The following TMPRSS9 variants were observed in gnomAD, a reference collection of about 807,000 sequenced individuals.
The protein encoded by TMPRSS9 is transmembrane protease serine 9.
A neutral mutation model predicts 111.4 loss-of-function variants in TMPRSS9; 113 were observed. The ratio of observed to expected loss-of-function variants is 1.01; its 90% confidence interval spans 0.87 to 1.19. TMPRSS9 has a LOEUF of 1.19. Ranked by LOEUF, TMPRSS9 falls within the 50% of genes most tolerant of loss-of-function variation. The pLI, the probability that TMPRSS9 is intolerant of heterozygous loss-of-function variation, is 0.00. For synonymous variants in TMPRSS9, 805 were observed against 659.1 expected (o/e 1.22, Z -3.39); for missense variants, 1,803 against 1,513.1 (o/e 1.19, Z -3.18).
chr19:2,408,491 C>T (rs148625968), exon 8 of TMPRSS9: 99 of 1,613,944 alleles, frequency 6.1e-5, no homozygotes, highest in Admixed American at 4.0e-4. Context: ...CCGACTTTGA[C>T]GTGGCTGTGC....
chr19:2,411,801 C>A (rs543683745), intron 9 of TMPRSS9, among the ~76,000 whole-genome samples: 2 of 152,160 alleles, frequency 1.3e-5, no homozygotes, highest in Non-Finnish European at 2.9e-5. Flanking sequence ...ATCTGCCCAC[C>A]TTGTCCTCCC....
At chr19:2,371,049 C>CTA (rs1485544880) in intron 1 of TMPRSS9, among the ~76,000 whole-genome samples, 1 of 152,136 alleles carries the variant, frequency 6.6e-6, no homozygotes, top group African/African-American at 2.4e-5. Context: ...GGGCCAATAC[C>CTA]TACCTCCTGT....
exon 12 of TMPRSS9, chr19:2,416,549 A>T: frequency 6.2e-7 from 1 of 1,608,456 alleles, no homozygotes; most frequent in African/African-American, 1.3e-5. Context: ...ACGAAGGTGG[A>T]GCAGGTTCGG....
At chr19:2,420,824 G>A (rs1971447137) in intron 13 of TMPRSS9, among the ~76,000 whole-genome samples, 1 of 152,066 alleles carries the variant, frequency 6.6e-6, no homozygotes, top group African/African-American at 2.4e-5. Context: ...AATAAAAATA[G>A]AATAATAGGT....
At chr19:2,405,240 A>G (rs1404307032) in intron 6 of TMPRSS9, 134 bp from the exon 8 acceptor site, 1 of 1,130,034 alleles carries the variant, frequency 8.8e-7, no homozygotes, top group Non-Finnish European at 1.2e-6. Context: ...GAGTCAGGGA[A>G]GCCAAGGAGG....
At chr19:2,370,132 C>T (rs1023049096) in intron 1 of TMPRSS9, among the ~76,000 whole-genome samples, 1 of 152,088 alleles carries the variant, frequency 6.6e-6, no homozygotes, top group African/African-American at 2.4e-5. Flanking sequence ...TCACGTGAAC[C>T]CAGGAGGCAG....
chr19:2,405,575 G>T (rs745851640), intron 7 of TMPRSS9, 30 bp downstream of exon 8: 16 of 1,493,348 alleles, frequency 1.1e-5, no homozygotes, highest in Non-Finnish European at 1.4e-5. Flanking sequence ...CACCAAACCC[G>T]AACCCTCTGT....
upstream of TMPRSS9, chr19:2,389,724 C>G (rs1360226001): frequency 6.4e-7 from 1 of 1,553,560 alleles, no homozygotes; most frequent in Non-Finnish European, 8.7e-7. Flanking sequence ...CCTTCAGCCT[C>G]TGACCCCGTG....
Position 2,418,351 on chromosome 19 carries a change from C to CTCCCTCCTTCCCTTTCCT in TMPRSS9, c.2154+220_2154+221insTTCCCTTTCCTTCCCTCC, listed in dbSNP as rs1555680726. Among the ~76,000 whole-genome samples the CTCCCTCCTTCCCTTTCCT allele has an allele frequency of 1.6e-3, 40 of 24,780 alleles. 2 individuals are homozygous for CTCCCTCCTTCCCTTTCCT. The highest frequency in any genetic ancestry group is 5.0e-3 in the Admixed American group (11 of 2,192). The allele number at this position is 24,780 out of a possible 152,430, so 16.3% of individuals were successfully genotyped here. A position where few individuals can be genotyped will look rare whatever the true frequency, so the allele number is the denominator to read the frequency against. On this transcript the variant is annotated intron_variant, in intron 13 of 17. Coordinates refer to ENST00000648592, the Ensembl canonical transcript of TMPRSS9. ...CCTCCCTTTCCTTCCCTCCCTTTCC[C>CTCCCTCCTTCCCTTTCCT]TCCCTCCCTCCCTTCCCTTCCCTCC...
intron 1 of TMPRSS9, among the ~76,000 whole-genome samples, chr19:2,382,425 C>T (rs1297625675): frequency 6.6e-6 from 1 of 152,180 alleles, no homozygotes; most frequent in Non-Finnish European, 1.5e-5. Context: ...AGCCACCGCG[C>T]CCGGTCAAAA....
chr19:2,392,214 A>G (rs1970613053), intron 1 of TMPRSS9, among the ~76,000 whole-genome samples: 1 of 151,956 alleles, frequency 6.6e-6, no homozygotes, highest in Non-Finnish European at 1.5e-5. Context: ...GACAAGAAAC[A>G]TTTAAAATTA....
exon 8 of TMPRSS9, chr19:2,408,549 T>C (rs771763488): frequency 5.0e-6 from 8 of 1,613,562 alleles, no homozygotes; most frequent in Admixed American, 1.7e-5. Context: ...CCAGCCCGTG[T>C]GCCTCCCGGC....
chr19:2,425,076 G>A (rs2145427428), exon 16 of TMPRSS9: 7 of 1,574,820 alleles, frequency 4.4e-6, no homozygotes, highest in Non-Finnish European at 6.0e-6. Context: ...CAGCTGGAGC[G>A]CGTGGCGCGC....
chr19:2,368,140 G>A (rs1211128315), intron 1 of TMPRSS9, among the ~76,000 whole-genome samples: 2 of 152,176 alleles, frequency 1.3e-5, no homozygotes, highest in Non-Finnish European at 1.5e-5. Flanking sequence ...GAAATAACTT[G>A]CTCTTTCAGG....
chr19:2,411,891 CTTCT>C (rs1971103852), intron 9 of TMPRSS9, among the ~76,000 whole-genome samples: 1 of 152,134 alleles, frequency 6.6e-6, no homozygotes, highest in Non-Finnish European at 1.5e-5. Flanking sequence ...CTCATTCTTT[CTTCT>C]TTCAGCCACC....
At chr19:2,401,070 C>T (rs368204438) in intron 4 of TMPRSS9, among the ~76,000 whole-genome samples, 52 of 145,484 alleles carry the variant, frequency 3.6e-4, no homozygotes, top group African/African-American at 8.6e-4. Context: ...GTCAGGAGAT[C>T]GAGACCATCC....
intron 9 of TMPRSS9, among the ~76,000 whole-genome samples, chr19:2,411,572 A>G (rs890727825): frequency 2.1e-5 from 3 of 141,948 alleles, no homozygotes; most frequent in African/African-American, 8.2e-5. Flanking sequence ...TAATTTTTGT[A>G]TTTTTAATTA....
At chr19:2,413,896 C>T (rs759542831) in exon 10 of TMPRSS9, 1 of 1,613,252 alleles carries the variant, frequency 6.2e-7, no homozygotes, top group Non-Finnish European at 8.5e-7. Context: ...GCTCCTGCCC[C>T]TGCCGCCCCC....
At chr19:2,361,073 A>T (rs897107008) in intron 1 of TMPRSS9, among the ~76,000 whole-genome samples, 4 of 144,744 alleles carry the variant, frequency 2.8e-5, no homozygotes, top group African/African-American at 1.0e-4. Context: ...GCAAGAACCA[A>T]GCATCAGCCT....
Sources: allele counts gnomAD v4.1 joint callset (sites outside exome capture counted in the v4.1 genomes callset), GRCh38; gene constraint gnomAD v4.1.1; transcripts MANE v1.5; gene names NCBI Gene and HGNC (gene_info 2026-07-23, HGNC 2026-07-21).